TANK: variants seen among roughly 807,000 people sequenced by gnomAD.
The protein encoded by TANK is TRAF family member-associated NF-kappa-B activator.
TANK carries 15 observed loss-of-function variants against 43.6 expected under a neutral mutation model. The observed-to-expected ratio is 0.34, with a 90% confidence interval of 0.23 to 0.53. TANK has a LOEUF of 0.53. Among genes scored for constraint, TANK ranks in the 20% least tolerant of loss-of-function variants. The probability of loss-of-function intolerance (pLI) is 0.94; values close to 1 mark genes in which losing one functional copy is unlikely to be tolerated. For synonymous variants in TANK, 162 were observed against 178.2 expected, an observed-to-expected ratio of 0.91 and a Z score of 0.73; for missense variants, 417 against 498.6, an observed-to-expected ratio of 0.84 and a Z score of 1.56.
At chr2:161,154,800 AG>A (rs1270200219) in intron 1 of TANK, among the ~76,000 whole-genome samples, 1 of 150,856 alleles carries the variant, frequency 6.6e-6, no homozygotes, top group East Asian at 1.9e-4. Context: ...GCTGGAGTAC[AG>A]TGGTGCCATC....
chr2:161,193,922 G>T (rs931419851), intron 2 of TANK, among the ~76,000 whole-genome samples: 1 of 152,178 alleles, frequency 6.6e-6, no homozygotes, highest in South Asian at 2.1e-4. Flanking sequence ...GGAATAATTA[G>T]CAGTCCTTGC....
At chr2:161,174,280 G>T (rs1400729208) in intron 1 of TANK, among the ~76,000 whole-genome samples, 1 of 151,980 alleles carries the variant, frequency 6.6e-6, no homozygotes, top group Non-Finnish European at 1.5e-5. Context: ...GTTTAGGAGG[G>T]AATATATAAA....
intron 1 of TANK, among the ~76,000 whole-genome samples, chr2:161,137,475 A>AT (rs1243704515): frequency 6.6e-6 from 1 of 152,096 alleles, no homozygotes; most frequent in African/African-American, 2.4e-5. Context: ...TACCTCAATG[A>AT]TTTTTTTAAG....
intron 4 of TANK, among the ~76,000 whole-genome samples, chr2:161,215,243 A>T (rs1365598668): frequency 6.6e-6 from 1 of 152,200 alleles, no homozygotes. Context: ...GAAAAAAATC[A>T]TATTGCCTTT....
In TANK at chr2:161,163,640, G is replaced by A. The variant is rs561948774; in HGVS notation, c.-50+3154G>A. 9 of 152,196 alleles carry A rather than the reference G, an allele frequency of 5.9e-5. No individual in the cohort carries two copies. The South Asian group carries it at 1.5e-3, about 25-fold the overall frequency. 9.4% of individuals were successfully genotyped at this position (152,196 alleles called of 1,614,324 possible). A position where few individuals can be genotyped will look rare whatever the true frequency, so the allele number is the denominator to read the frequency against. On this transcript the variant is annotated intron_variant, in intron 1 of 7. Coordinates refer to ENST00000392749, the MANE Select transcript of TANK (RefSeq NM_001199135.3). ...TTGTCACTAGCTTCCCAATTTTGCCGGGAAATTTCTTAATTTAAAGGTAAT... is the reference window on the plus strand; with the variant it reads ...TTGTCACTAGCTTCCCAATTTTGCCAGGAAATTTCTTAATTTAAAGGTAAT...
intron 1 of TANK, 69 bp from the exon 2 acceptor site, chr2:161,179,545 T>C: frequency 7.2e-7 from 1 of 1,380,384 alleles, no homozygotes; most frequent in African/African-American, 1.5e-5. Flanking sequence ...GAACTATCTT[T>C]AAGATGCATT....
chr2:161,205,289 A>C (rs1479740067), intron 4 of TANK, among the ~76,000 whole-genome samples: 1 of 152,196 alleles, frequency 6.6e-6, no homozygotes, highest in Non-Finnish European at 1.5e-5. Context: ...ACTGCATTCC[A>C]GTTTGGGTAA....
At chr2:161,178,914 C>G (rs1282860802) in intron 1 of TANK, among the ~76,000 whole-genome samples, 2 of 152,008 alleles carry the variant, frequency 1.3e-5, no homozygotes, top group African/African-American at 4.8e-5. Flanking sequence ...CTGCTCAGAG[C>G]CAAGGAATGT....
At chr2:161,232,363 G>A (rs1035112957) in intron 7 of TANK, among the ~76,000 whole-genome samples, 1 of 152,122 alleles carries the variant, frequency 6.6e-6, no homozygotes, top group African/African-American at 2.4e-5. Context: ...GCAAACATTT[G>A]TCTGATTTCT....
intron 2 of TANK, among the ~76,000 whole-genome samples, chr2:161,187,635 A>G (rs191945868): frequency 1.3e-5 from 2 of 152,298 alleles, no homozygotes; most frequent in Admixed American, 6.5e-5. Flanking sequence ...TTAAAGTATT[A>G]TACTTTAAAC....
intron 4 of TANK, chr2:161,223,123 A>T (rs1308916335): frequency 6.6e-6 from 1 of 152,110 alleles, no homozygotes; most frequent in Non-Finnish European, 1.5e-5. Flanking sequence ...TTTAAGAACT[A>T]TACAATTTTG....
At chr2:161,179,917 T>C in intron 2 of TANK, 156 bp downstream of exon 2, 3 of 1,274,816 alleles carry the variant, frequency 2.4e-6, no homozygotes, top group Non-Finnish European at 2.0e-6. Flanking sequence ...TTGAAGTTTT[T>C]GTTTGTTGTT....
At chr2:161,138,574 T>C (rs1390312881) in intron 1 of TANK, among the ~76,000 whole-genome samples, 1 of 152,198 alleles carries the variant, frequency 6.6e-6, no homozygotes, top group African/African-American at 2.4e-5. Context: ...CACTTCCACA[T>C]GCATACAGGT....
intron 4 of TANK, among the ~76,000 whole-genome samples, chr2:161,215,685 T>G (rs965649206): frequency 3.9e-5 from 6 of 152,176 alleles, no homozygotes; most frequent in Non-Finnish European, 4.4e-5. Context: ...CTTCCCAGTA[T>G]TGTATTTTAA....
chr2:161,160,470 C>A lies in TANK; in HGVS notation c.-66C>A. On this transcript the variant is annotated 5_prime_UTR_variant, in exon 1 of 8. The change creates a new upstream start codon in the 5' untranslated region. Coordinates refer to ENST00000392749, the MANE Select transcript of TANK (RefSeq NM_001199135.3). ...CGACCTGAGGGGAGAGGGAACGCAG[C>A]TGAAAGCGTGAACTGTGTGAGTAAG... 1 of 1,238,990 alleles carries A rather than the reference C, an allele frequency of 8.1e-7. No individual in the cohort carries two copies. Among genetic ancestry groups the A allele is most frequent in the Non-Finnish European group, 1.0e-6 (1 of 991,122 alleles). 76.7% of individuals were successfully genotyped at this position (1,238,990 alleles called of 1,614,324 possible).
rs1684796862 is a variant in TANK at position 161,168,520 on chromosome 2, AT to A, written c.-50+8036del. ...AGGGACAAAAAGAAAAAAAATCCTA[AT>A]TGTTTTCAAAGAGAAAAAAATCGGT... On this transcript the variant is annotated intron_variant, in intron 1 of 7. Transcript: ENST00000392749. Among the ~76,000 whole-genome samples the A allele has an allele frequency of 2.6e-5, 4 of 152,080 alleles. No homozygotes were observed. The South Asian group carries it at 8.3e-4, about 31-fold the overall frequency.
At chr2:161,206,450 C>T (rs2105350122) in intron 4 of TANK, among the ~76,000 whole-genome samples, 1 of 152,198 alleles carries the variant, frequency 6.6e-6, no homozygotes, top group East Asian at 1.9e-4. Flanking sequence ...TATTCAGTTA[C>T]TGATTGCATA....
intron 2 of TANK, among the ~76,000 whole-genome samples, chr2:161,198,523 A>T (rs1243819990): frequency 6.6e-6 from 1 of 152,046 alleles, no homozygotes; most frequent in African/African-American, 2.4e-5. Flanking sequence ...CCTGATGGTG[A>T]CTCTCTGCAT....
intron 4 of TANK, 164 bp downstream of exon 4, chr2:161,204,957 A>G: frequency 7.1e-7 from 1 of 1,407,862 alleles, no homozygotes; most frequent in Admixed American, 3.5e-5. Flanking sequence ...TTCAAGTAAA[A>G]TAAAGGCTGA....
Sources: gnomAD v4.1 joint callset for allele counts (sites outside exome capture counted in the v4.1 genomes callset) on GRCh38, gnomAD v4.1.1 for gene constraint, MANE v1.5 for transcripts, NCBI Gene and HGNC (gene_info 2026-07-23, HGNC 2026-07-21) for gene names.